The following TRPM3 variants were observed in gnomAD, a reference collection of about 807,000 sequenced individuals.
TRPM3 encodes transient receptor potential cation channel subfamily M member 3, also known as long transient receptor potential channel 3.
A neutral mutation model predicts 181.2 loss-of-function variants in TRPM3; 77 were observed. The observed-to-expected ratio is 0.42, with a 90% CI of 0.35 to 0.51. TRPM3 has a LOEUF of 0.51. Among genes scored for constraint, TRPM3 ranks in the 20% least tolerant of loss-of-function variants. The probability of loss-of-function intolerance (pLI) is 0.01; values close to 1 mark genes in which losing one functional copy is unlikely to be tolerated. For synonymous variants in TRPM3, 745 were observed against 796.4 expected, an observed-to-expected ratio of 0.94 and a Z score of 1.09; for missense variants, 1,759 against 2,196.7, an observed-to-expected ratio of 0.80 and a Z score of 3.98.
intron 1 of TRPM3, among the ~76,000 whole-genome samples, chr9:71,223,273 C>G (rs779996206): frequency 1.1e-4 from 16 of 152,152 alleles, no homozygotes; most frequent in Non-Finnish European, 1.3e-4. Flanking sequence ...GTTCCAGGTC[C>G]TAGCTTCTGG....
intron 1 of TRPM3, among the ~76,000 whole-genome samples, chr9:71,430,727 C>T (rs983079169): frequency 2.0e-5 from 3 of 152,084 alleles, no homozygotes; most frequent in Admixed American, 6.6e-5. Flanking sequence ...AGGAGAATCG[C>T]TTGAACTCAA....
intron 22 of TRPM3, among the ~76,000 whole-genome samples, chr9:70,572,729 A>G (rs1475809323): frequency 3.3e-5 from 5 of 152,236 alleles, no homozygotes; most frequent in Non-Finnish European, 5.9e-5. Context: ...TGAGTAAACA[A>G]TACTAAGATG....
At chr9:71,432,921 T>C (rs2093979553) in intron 1 of TRPM3, among the ~76,000 whole-genome samples, 1 of 152,164 alleles carries the variant, frequency 6.6e-6, no homozygotes, top group African/African-American at 2.4e-5. Flanking sequence ...ATATAATGAA[T>C]ACTCACCAAT....
At chr9:70,859,728 A>C (rs998482005) in intron 3 of TRPM3, among the ~76,000 whole-genome samples, 3 of 151,076 alleles carry the variant, frequency 2.0e-5, no homozygotes, top group African/African-American at 7.3e-5. Flanking sequence ...CAGCAGGAGA[A>C]AAAGTAATCA....
At chr9:70,917,387 C>T in intron 1 of TRPM3, 1 of 920,840 alleles carries the variant, frequency 1.1e-6, no homozygotes, top group Non-Finnish European at 1.8e-6. Flanking sequence ...CACTCTCTTC[C>T]AAGAGCTCAG....
chr9:71,386,071 A>G (rs893632215), intron 1 of TRPM3, among the ~76,000 whole-genome samples: 6 of 152,166 alleles, frequency 3.9e-5, no homozygotes, highest in Non-Finnish European at 1.5e-5. Context: ...GGAAGTGGCA[A>G]TGCAAAGAAT....
At chr9:71,126,710 T>C (rs542545613) in intron 1 of TRPM3, among the ~76,000 whole-genome samples, 18 of 152,332 alleles carry the variant, frequency 1.2e-4, no homozygotes, top group African/African-American at 3.6e-4. Flanking sequence ...ATTTATTCCA[T>C]ATAAAATAAA....
chr9:70,625,572 A>C lies in TRPM3; in HGVS notation c.1633-55T>G. On this transcript the variant is annotated intron_variant, in intron 12 of 25. Coordinates refer to ENST00000677713, the MANE Select transcript of TRPM3 (RefSeq NM_001366145.2). The surrounding 1 kb of genome is among the most constrained non-coding windows in gnomAD (Gnocchi z 4.8). ...AGATGCAGTAATCGTCGGCAATAAT[A>C]GAAAATCAAAATATTTATTCAAGTC... 2 of 1,550,082 alleles carry C rather than the reference A, an allele frequency of 1.3e-6. No homozygotes were observed. The highest frequency in any genetic ancestry group is 2.3e-5 in the South Asian group (2 of 85,270).
chr9:70,562,054 CTATT>C (rs1564334957), intron 22 of TRPM3, among the ~76,000 whole-genome samples: 3 of 152,186 alleles, frequency 2.0e-5, no homozygotes, highest in Non-Finnish European at 4.4e-5. Flanking sequence ...TGGTTATCCT[CTATT>C]TATGTCAAAT....
intron 25 of TRPM3, among the ~76,000 whole-genome samples, chr9:70,544,576 A>G (rs956543850): frequency 6.6e-6 from 1 of 152,078 alleles, no homozygotes. Context: ...TGGTCCTCTG[A>G]CTTAGTTCAC....
chr9:71,412,993 C>A (rs578148782), intron 1 of TRPM3, among the ~76,000 whole-genome samples: 2 of 152,228 alleles, frequency 1.3e-5, no homozygotes, highest in South Asian at 4.1e-4. Flanking sequence ...CAAACTATCA[C>A]AAGGACAGAA....
intron 1 of TRPM3, among the ~76,000 whole-genome samples, chr9:71,215,033 CA>C (rs67349189): frequency 1.9e-5 from 2 of 105,824 alleles, no homozygotes; most frequent in African/African-American, 4.0e-5. Flanking sequence ...CACCAAAAAA[CA>C]AAAAAAAAAA....
At chr9:71,209,891 C>T (rs1445361154) in intron 1 of TRPM3, among the ~76,000 whole-genome samples, 1 of 152,178 alleles carries the variant, frequency 6.6e-6, no homozygotes, top group Non-Finnish European at 1.5e-5. Flanking sequence ...GAATTGAGAC[C>T]TTGTAGCAGA....
At chr9:71,318,449 T>G (rs1486360124) in intron 1 of TRPM3, among the ~76,000 whole-genome samples, 1 of 152,216 alleles carries the variant, frequency 6.6e-6, no homozygotes, top group Non-Finnish European at 1.5e-5. Context: ...AAGTGTTTTA[T>G]TTTTCAGTAG....
intron 1 of TRPM3, among the ~76,000 whole-genome samples, chr9:71,179,250 CA>C (rs2077265796): frequency 6.6e-6 from 1 of 152,084 alleles, no homozygotes; most frequent in East Asian, 1.9e-4. Flanking sequence ...TGGGCTGGAC[CA>C]GTCACACTGG....
At chr9:71,215,719 G>A (rs564742500) in intron 1 of TRPM3, among the ~76,000 whole-genome samples, 1 of 152,322 alleles carries the variant, frequency 6.6e-6, no homozygotes, top group South Asian at 2.1e-4. Context: ...CCACTTTTGT[G>A]AGAAATTGAA....
chr9:71,221,851 G>T (rs918260063), intron 1 of TRPM3, among the ~76,000 whole-genome samples: 1 of 152,182 alleles, frequency 6.6e-6, no homozygotes, highest in Non-Finnish European at 1.5e-5. Flanking sequence ...ATACTTGAGG[G>T]AGGTGGATGA....
intron 8 of TRPM3, among the ~76,000 whole-genome samples, chr9:70,749,620 A>T (rs1399909763): frequency 6.6e-6 from 1 of 152,226 alleles, no homozygotes; most frequent in East Asian, 1.9e-4. Flanking sequence ...ACTGTGTAGT[A>T]ATAAAGTCAG....
At position 70,850,808 on chromosome 9, in the gene TRPM3, G is replaced by A. The variant is rs114921591; in HGVS notation, c.463-4217C>T. On this transcript the variant is annotated intron_variant, in intron 3 of 25. Transcript: ENST00000677713. ...CTTCCAAACTATACAAACCAAGAATGCTTTAGTGTGAGACATGTTAAGAAA... is the reference window on the plus strand; with the variant it reads ...CTTCCAAACTATACAAACCAAGAATACTTTAGTGTGAGACATGTTAAGAAA... 4.5e-3 allele frequency among the ~76,000 whole-genome samples: 680 copies of A among 152,234 alleles called. 5 individuals carry two copies. The highest frequency in any genetic ancestry group is 0.016 in the African/African-American group (653 of 41,544).
Sources: gnomAD v4.1 joint callset for allele counts (sites outside exome capture counted in the v4.1 genomes callset) on GRCh38, gnomAD v4.1.1 for gene constraint, Gnocchi (gnomAD v3.1) non-coding constraint, MANE v1.5 for transcripts, NCBI Gene and HGNC (gene_info 2026-07-23, HGNC 2026-07-21) for gene names.